The following RBFOX1 variants were observed in gnomAD, a reference collection of about 807,000 sequenced individuals.
The protein encoded by RBFOX1 is RNA binding protein fox-1 homolog 1.
Under a neutral mutation model 57.7 loss-of-function variants are expected in RBFOX1, and 8 were observed. The observed-to-expected ratio is 0.14, with a 90% CI of 0.08 to 0.25. The LOEUF (loss-of-function observed/expected upper bound fraction) is 0.25. Ranked by LOEUF, RBFOX1 falls within the 10% of genes least tolerant of loss-of-function variation. RBFOX1 has a pLI of 1.00. For synonymous variants in RBFOX1, 326 were observed against 222.4 expected (o/e 1.47, Z -4.15); for missense variants, 611 against 548.5 (o/e 1.11, Z -1.14).
chr16:7,696,814 T>G (rs1011780630), intron 14 of RBFOX1, among the ~76,000 whole-genome samples: 1 of 152,134 alleles, frequency 6.6e-6, no homozygotes, highest in Non-Finnish European at 1.5e-5. Flanking sequence ...AAGGCCTGTC[T>G]GAGGGGGTAA....
intron 10 of RBFOX1, among the ~76,000 whole-genome samples, chr16:7,621,052 C>T (rs2059241711): frequency 1.3e-5 from 2 of 152,044 alleles, no homozygotes; most frequent in Admixed American, 6.6e-5. Context: ...CCACCCCAGA[C>T]CCCCTAGATA....
chr16:7,027,271 A>G (rs990164288), intron 3 of RBFOX1, among the ~76,000 whole-genome samples: 1 of 152,230 alleles, frequency 6.6e-6, no homozygotes, highest in Admixed American at 6.5e-5. Flanking sequence ...AATAGAGAGG[A>G]TGAATAATCT....
At chr16:6,647,307 G>C (rs372009477) in intron 2 of RBFOX1, among the ~76,000 whole-genome samples, 2 of 152,128 alleles carry the variant, frequency 1.3e-5, no homozygotes, top group African/African-American at 4.8e-5. Context: ...GCAGTGACGT[G>C]ATCTCAGGGC....
chr16:6,115,847 A>G (rs902964370), intron 1 of RBFOX1, among the ~76,000 whole-genome samples: 11 of 152,192 alleles, frequency 7.2e-5, no homozygotes, highest in Non-Finnish European at 1.2e-4. Context: ...GAGCTGTGGT[A>G]TTCTCCTGAC....
chr16:6,110,514 A>C (rs1392275322), intron 1 of RBFOX1, among the ~76,000 whole-genome samples: 1 of 152,226 alleles, frequency 6.6e-6, no homozygotes, highest in African/African-American at 2.4e-5. Flanking sequence ...ATGTGGACTT[A>C]ATGGCAGATT....
chr16:7,249,872 T>A (rs2094444353), intron 4 of RBFOX1, among the ~76,000 whole-genome samples: 1 of 152,214 alleles, frequency 6.6e-6, no homozygotes, highest in African/African-American at 2.4e-5. Context: ...AGCCTTTTGA[T>A]ACACATTGTT....
At position 6,283,662 on chromosome 16, in the gene RBFOX1, G is replaced by A. The variant is rs74674772; in HGVS notation, c.-126-33333G>A. The stretch of plus-strand genomic sequence containing the variant: ...GTTCATCCCTTTGTCCCTACGTGCC[G>A]TTAGTATAGTGACGGAGTTTCACGT... On this transcript the variant is annotated intron_variant, in intron 1 of 15. Transcript: ENST00000550418. Among the ~76,000 whole-genome samples the A allele has an allele frequency of 2.7e-3, 418 of 152,260 alleles. 3 individuals are homozygous for A. Among genetic ancestry groups the A allele is most frequent in the East Asian group, 0.022 (115 of 5,182 alleles).
intron 2 of RBFOX1, among the ~76,000 whole-genome samples, chr16:6,327,923 C>A (rs1169524871): frequency 6.6e-6 from 1 of 152,118 alleles, no homozygotes; most frequent in African/African-American, 2.4e-5. Context: ...GCACCGTGGT[C>A]CCAGTCTGCT....
chr16:6,574,923 A>G (rs1600311929), intron 2 of RBFOX1, among the ~76,000 whole-genome samples: 1 of 151,506 alleles, frequency 6.6e-6, no homozygotes, highest in African/African-American at 2.4e-5. Context: ...CTGTAGTCCC[A>G]GCTACTCGGG....
At chr16:5,485,895 G>A (rs558316722) in intron 2 of RBFOX1, among the ~76,000 whole-genome samples, 6 of 152,148 alleles carry the variant, frequency 3.9e-5, no homozygotes, top group East Asian at 1.9e-4. Flanking sequence ...TTATCCTCTT[G>A]AACCTCATTT....
intron 4 of RBFOX1, among the ~76,000 whole-genome samples, chr16:7,288,258 A>T (rs1464987610): frequency 6.6e-6 from 1 of 152,230 alleles, no homozygotes; most frequent in African/African-American, 2.4e-5. Flanking sequence ...GAACTCTCAC[A>T]TCAATTGTTC....
chr16:6,965,831 G>C (rs1437900008), intron 3 of RBFOX1, among the ~76,000 whole-genome samples: 1 of 152,140 alleles, frequency 6.6e-6, no homozygotes, highest in Non-Finnish European at 1.5e-5. Context: ...ACTGAAATAG[G>C]TGCTGTCGCA....
intron 3 of RBFOX1, among the ~76,000 whole-genome samples, chr16:7,051,082 G>T (rs2049912668): frequency 6.6e-6 from 1 of 152,136 alleles, no homozygotes. Flanking sequence ...AAAACTTACA[G>T]TATATTGTCT....
intron 1 of RBFOX1, among the ~76,000 whole-genome samples, chr16:5,390,077 C>T (rs1369982906): frequency 6.6e-6 from 1 of 152,040 alleles, no homozygotes; most frequent in Non-Finnish European, 1.5e-5. Context: ...GTATGACATG[C>T]CTACAGAAGA....
intron 3 of RBFOX1, among the ~76,000 whole-genome samples, chr16:7,045,995 A>G (rs1440905623): frequency 1.3e-5 from 2 of 152,138 alleles, no homozygotes; most frequent in Non-Finnish European, 2.9e-5. Flanking sequence ...AATCAATGCT[A>G]TCACTATTAC....
intron 4 of RBFOX1, among the ~76,000 whole-genome samples, chr16:7,229,762 GAGGAAGGGAGAGAGAGGA>G (rs1567805640): frequency 5.0e-4 from 28 of 55,868 alleles, no homozygotes; most frequent in East Asian, 1.3e-3. Flanking sequence ...GAGAGAGAGG[GAGGAAGGGAGAGAGAGGA>G]AGGAAGGGAG....
At position 7,504,700 on chromosome 16, in the gene RBFOX1, G is replaced by A. The variant is rs528333125; in HGVS notation, c.28-13447G>A. Reference sequence around the variant, plus strand: ...TTATTACTCTAGCTCCTGTGGAGATGAAGTGAGATTATATATATATATATA... The same window carrying A: ...TTATTACTCTAGCTCCTGTGGAGATAAAGTGAGATTATATATATATATATA... On this transcript the variant is annotated intron_variant, in intron 4 of 15. Coordinates refer to ENST00000550418, the MANE Select transcript of RBFOX1 (RefSeq NM_018723.4). Among the ~76,000 whole-genome samples, 285 of 111,564 alleles carry A rather than the reference G, an allele frequency of 2.6e-3. 4 individuals are homozygous for A. Among genetic ancestry groups the A allele is most frequent in the Non-Finnish European group, 4.1e-3 (251 of 61,466 alleles). 73.2% of individuals were successfully genotyped at this position (111,564 alleles called of 152,430 possible).
At chr16:6,920,140 T>C (rs557794741) in intron 3 of RBFOX1, among the ~76,000 whole-genome samples, 75 of 152,340 alleles carry the variant, frequency 4.9e-4, no homozygotes, top group African/African-American at 1.8e-3. Flanking sequence ...CTGAGTCATA[T>C]TCTATGGTGT....
At chr16:7,286,118 G>A (rs559430676) in intron 4 of RBFOX1, among the ~76,000 whole-genome samples, 4 of 152,248 alleles carry the variant, frequency 2.6e-5, no homozygotes, top group Middle Eastern at 3.4e-3. Context: ...AATAAGGAAC[G>A]AATGAGTGAA....
Sources: allele counts gnomAD v4.1 joint callset (sites outside exome capture counted in the v4.1 genomes callset), GRCh38; gene constraint gnomAD v4.1.1; transcripts MANE v1.5; gene names NCBI Gene and HGNC (gene_info 2026-07-23, HGNC 2026-07-21).